Variants in SP110 observed in about 807,000 individuals in gnomAD.
The protein encoded by SP110 is SP110 nuclear body protein.
In SP110, 62 loss-of-function variants were observed where a neutral mutation model predicts 92.7. The ratio of observed to expected loss-of-function variants is 0.67; its 90% CI spans 0.55 to 0.83. The LOEUF (loss-of-function observed/expected upper bound fraction) is 0.83. Ranked by LOEUF, SP110 falls within the 40% of genes least tolerant of loss-of-function variation. The probability of loss-of-function intolerance (pLI) is 0.00; values close to 1 mark genes in which losing one functional copy is unlikely to be tolerated. For synonymous variants in SP110, 273 were observed against 305.3 expected, an observed-to-expected ratio of 0.89 and a Z score of 1.10; for missense variants, 793 against 863.9, an observed-to-expected ratio of 0.92 and a Z score of 1.03.
chr2:230,220,975 G>C (rs1385351354), upstream of SP110, among the ~76,000 whole-genome samples: 1 of 152,048 alleles, frequency 6.6e-6, no homozygotes, highest in East Asian at 1.9e-4. Context: ...TTGCACCACT[G>C]CACTATAGAA....
In SP110 at chr2:230,179,922, G is replaced by C. The variant is rs552989784; in HGVS notation, c.1349-1667C>G. ...CAAGTGAGGTGGGGCCTTTAGACCC[G>C]AGGACTTCCAAAGCCAACTGTCCTA... On this transcript the variant is annotated intron_variant, in intron 12 of 18. Transcript: ENST00000258381. Among the ~76,000 whole-genome samples the C allele has an allele frequency of 2.0e-5, 3 of 152,212 alleles. No individual in the cohort carries two copies. In the South Asian group the frequency reaches 6.2e-4, roughly 32 times the overall value.
In SP110 at chr2:230,214,961, C is replaced by T. The variant is rs1192584755; in HGVS notation, c.305G>A (p.Ser102Asn). 1.9e-6 allele frequency: 3 copies of T among 1,613,840 alleles called. No individual in the cohort carries two copies. The highest frequency in any genetic ancestry group is 2.5e-6 in the Non-Finnish European group (3 of 1,179,844). ...AGAAATCTCATTACCACGTTTGAAG[C>T]TTCTGTAAATCGTCACCAGATTGGG... The part of the protein sequence containing the change: ...EYPNLVTIYR[S>N]FKRVGASYEW... Residue 102 changes from serine to asparagine, a missense_variant, in exon 3 of 19, where the codon AGC becomes AAC. Transcript: ENST00000258381.
At chr2:230,172,766 C>A (rs547066630) in intron 15 of SP110, 78 bp downstream of exon 15, 1 of 967,360 alleles carries the variant, frequency 1.0e-6, no homozygotes, top group Non-Finnish European at 1.7e-6. Context: ...ACACCCTCGT[C>A]CCCGACGCTC....
In SP110 at chr2:230,166,946, G is replaced by A. The variant is rs561938437; in HGVS notation, c.*2178C>T. Among the ~76,000 whole-genome samples, 13 of 152,258 alleles carry A rather than the reference G, an allele frequency of 8.5e-5. No homozygotes were observed. In the South Asian group the frequency reaches 2.7e-3, roughly 32 times the overall value. ...CCTTTTTCCCCGTTTGAATGGAAGT[G>A]TCTATAGTAGTTGTTCAGTCCCTGT... On this transcript the variant is annotated 3_prime_UTR_variant, in exon 19 of 19. Transcript: ENST00000258381.
intron 10 of SP110, among the ~76,000 whole-genome samples, chr2:230,192,483 C>A (rs921909657): frequency 6.6e-6 from 1 of 152,110 alleles, no homozygotes; most frequent in Non-Finnish European, 1.5e-5. Context: ...TATGCCTTTA[C>A]ACCAACAATA....
In SP110 at chr2:230,211,278, A is replaced by G. The variant is rs1258814336; in HGVS notation, c.751+192T>C. On this transcript the variant is annotated intron_variant, in intron 6 of 18. Coordinates refer to ENST00000258381, the MANE Select transcript of SP110 (RefSeq NM_080424.4). This position sits in a 1 kb window ranked among gnomAD's most constrained non-coding sequence, Gnocchi z 4.2. ...AGACTTGCCTCCTTTGCCCTCCCCC[A>G]GGGACTCTGTATCCATTCAGAGGTC... Among the ~76,000 whole-genome samples, 1 of 152,076 alleles carries G rather than the reference A, an allele frequency of 6.6e-6. No individual in the cohort carries two copies. The highest frequency in any genetic ancestry group is 1.9e-4 in the East Asian group (1 of 5,178).
chr2:230,195,900 C>G (rs2148818842), intron 10 of SP110, among the ~76,000 whole-genome samples: 1 of 151,804 alleles, frequency 6.6e-6, no homozygotes. Context: ...TTAGATAAAG[C>G]AAAAGATGAA....
Position 230,211,590 on chromosome 2 carries a change from C to T in SP110, c.668-37G>A. On this transcript the variant is annotated intron_variant, in intron 5 of 18. Coordinates refer to ENST00000258381, the MANE Select transcript of SP110 (RefSeq NM_080424.4). This position sits in a 1 kb window ranked among gnomAD's most constrained non-coding sequence, Gnocchi z 4.2. ...AAGAAAAAGTTTTAGATCTCAGGAA[C>T]AGCAAGCAGGGACCAGAATGAGGAG... The T allele has an allele frequency of 8.1e-7, 1 of 1,229,580 alleles. No individual in the cohort carries two copies. The highest frequency in any genetic ancestry group is 1.2e-6 in the Non-Finnish European group (1 of 828,898). 76.2% of individuals were successfully genotyped at this position (1,229,580 alleles called of 1,614,324 possible). A position where few individuals can be genotyped will look rare whatever the true frequency, so the allele number is the denominator to read the frequency against.
At chr2:230,194,499 A>T (rs2042776221) in intron 10 of SP110, among the ~76,000 whole-genome samples, 1 of 152,176 alleles carries the variant, frequency 6.6e-6, no homozygotes, top group Non-Finnish European at 1.5e-5. Flanking sequence ...GAAAGGGAAG[A>T]GGGAGAGAAT....
At chr2:230,171,825 G>T in intron 16 of SP110, 58 bp from the exon 17 acceptor site, 2 of 1,353,184 alleles carry the variant, frequency 1.5e-6, no homozygotes, top group South Asian at 2.3e-5. Flanking sequence ...GTGAAGCCAG[G>T]CGAGTGTCTA....
chr2:230,200,806 A>G, intron 10 of SP110, 79 bp downstream of exon 10: 1 of 1,127,712 alleles, frequency 8.9e-7, no homozygotes, highest in Non-Finnish European at 1.4e-6. Context: ...AAGTTAAGAA[A>G]TATTGCCTCA....
intron 2 of SP110, 90 bp downstream of exon 2, chr2:230,216,691 G>A (rs901812177): frequency 3.9e-6 from 6 of 1,528,142 alleles, no homozygotes; most frequent in African/African-American, 2.7e-5. Flanking sequence ...TCCAAACTCT[G>A]GAAGCCCTGG....
intron 1 of SP110, among the ~76,000 whole-genome samples, chr2:230,219,100 C>A (rs1269300997): frequency 6.6e-6 from 1 of 152,148 alleles, no homozygotes; most frequent in Non-Finnish European, 1.5e-5. Flanking sequence ...TGGTGCACAT[C>A]TGTAGTCCCA....
chr2:230,192,105 C>T (rs575777899), intron 10 of SP110, among the ~76,000 whole-genome samples: 108 of 152,266 alleles, frequency 7.1e-4, no homozygotes, highest in African/African-American at 2.4e-3. Context: ...TAAAAACTCT[C>T]AATAAACTAG....
chr2:230,178,266 A>C lies in SP110; in HGVS notation c.1349-11T>G, dbSNP rs757469154. ...CACTTTTGGGTTTTCCTTAAAGTAG[A>C]AGAGAACAGTTTTGTGTTATTCAGT... On this transcript the variant is annotated splice_polypyrimidine_tract_variant and intron_variant, in intron 12 of 18. Coordinates refer to ENST00000258381, the MANE Select transcript of SP110 (RefSeq NM_080424.4). 36 of 1,528,380 alleles carry C rather than the reference A, an allele frequency of 2.4e-5. No individual in the cohort carries two copies. Among genetic ancestry groups the C allele is most frequent in the Non-Finnish European group, 3.0e-5 (33 of 1,103,822 alleles). 94.7% of individuals were successfully genotyped at this position (1,528,380 alleles called of 1,614,324 possible).
At chr2:230,224,524 A>C (rs1460488750), upstream of SP110, among the ~76,000 whole-genome samples, 1 of 150,582 alleles carries the variant, frequency 6.6e-6, no homozygotes, top group Non-Finnish European at 1.5e-5. Flanking sequence ...ACAGAGAGAG[A>C]GAGAGAGAGG....
intron 1 of SP110, chr2:230,225,432 C>T (rs2046204563): frequency 3.2e-6 from 1 of 316,612 alleles, no homozygotes; most frequent in Non-Finnish European, 6.2e-6. Flanking sequence ...TGGAGCCTGA[C>T]TGAAGATTTG....
At chr2:230,199,096 C>A (rs1381762279) in intron 10 of SP110, among the ~76,000 whole-genome samples, 1 of 151,174 alleles carries the variant, frequency 6.6e-6, no homozygotes, top group Non-Finnish European at 1.5e-5. Context: ...ATGACACCAG[C>A]TCTTGACCAC....
intron 1 of SP110, among the ~76,000 whole-genome samples, chr2:230,217,419 C>T (rs2045339122): frequency 6.6e-6 from 1 of 152,122 alleles, no homozygotes; most frequent in South Asian, 2.1e-4. Flanking sequence ...GGACAATTCC[C>T]AGCAACAATG....
Sources: gnomAD v4.1 joint callset for allele counts (sites outside exome capture counted in the v4.1 genomes callset) on GRCh38, gnomAD v4.1.1 for gene constraint, Gnocchi (gnomAD v3.1) non-coding constraint, MANE v1.5 for transcripts, NCBI Gene and HGNC (gene_info 2026-07-23, HGNC 2026-07-21) for gene names.